GPR149: variants seen among roughly 807,000 people sequenced by gnomAD.
GPR149 encodes the protein G protein-coupled receptor 149.
A neutral mutation model predicts 50.2 loss-of-function variants in GPR149; 50 were observed. The observed-to-expected ratio is 1.00, with a 90% confidence interval of 0.79 to 1.26. The LOEUF is 1.26. GPR149 is among the 50% of genes most tolerant of loss of function. GPR149 has a pLI of 0.00. For missense variants in GPR149, 983 were observed against 895.4 expected, an observed-to-expected ratio of 1.10 and a Z score of -1.25; for synonymous variants, 405 against 358.2, an observed-to-expected ratio of 1.13 and a Z score of -1.48.
chr3:154,414,828 C>T (rs553370785), intron 3 of GPR149, among the ~76,000 whole-genome samples: 18 of 151,638 alleles, frequency 1.2e-4, no homozygotes, highest in East Asian at 7.8e-4. Flanking sequence ...AAACGTCCTG[C>T]GAAACAAAGA....
rs374931646 is a variant in GPR149, at chr3:154,421,481, C to G, written c.1181G>C (p.Arg394Thr). 6.5e-7 allele frequency: 1 copy of G among 1,542,036 alleles called. No homozygotes were observed. The highest frequency in any genetic ancestry group is 1.4e-5 in the African/African-American group (1 of 72,290). Reference protein sequence around the residue: ...AVASDGKKIKRKGFEFNLSFQ... With the variant: ...AVASDGKKIKTKGFEFNLSFQ... Reference sequence around the variant, plus strand: ...TGATAGATTGAATTCAAAGCCTTTTCTCTTGACTGAGTAAAAATAAAAACA... The same window carrying G: ...TGATAGATTGAATTCAAAGCCTTTTGTCTTGACTGAGTAAAAATAAAAACA... Residue 394 changes from arginine (R) to threonine (T), a missense_variant, in exon 3 of 4, where the codon AGA becomes ACA. Physicochemically the swap from Arg to Thr is moderately conservative, Grantham distance 71 (BLOSUM62 -1). Transcript: ENST00000389740.
intron 2 of GPR149, among the ~76,000 whole-genome samples, chr3:154,426,423 C>G (rs911538707): frequency 6.6e-6 from 1 of 152,066 alleles, no homozygotes; most frequent in Non-Finnish European, 1.5e-5. Flanking sequence ...GATTTTGCAA[C>G]CCTAAAATAG....
chr3:154,402,965 A>G (rs1399750554), intron 3 of GPR149, among the ~76,000 whole-genome samples: 5 of 152,198 alleles, frequency 3.3e-5, no homozygotes, highest in Non-Finnish European at 7.3e-5. Flanking sequence ...CTTTGTGAAC[A>G]AGAGGGAGGA....
chr3:154,404,870 T>TCAGCAG (rs371581317), intron 3 of GPR149, among the ~76,000 whole-genome samples: 14,234 of 92,316 alleles, frequency 0.15, 725 homozygotes, highest in East Asian at 0.34. Flanking sequence ...ATCATCATCA[T>TCAGCAG]CATCAGCAGC....
In GPR149 at chr3:154,421,324, A is replaced by G. The variant is rs547897034; in HGVS notation, c.1338T>C (p.Arg446=). Residue 446 remains arginine, a synonymous_variant, in exon 3 of 4, where the codon CGT becomes CGC. Coordinates refer to ENST00000389740, the MANE Select transcript of GPR149 (RefSeq NM_001038705.3). ...CTACTTTTATAGCATTGAAGATGTT[A>G]CGGTTGTCTCTCTGAGGGTCTTTTG... The part of the protein sequence containing the change: ...ETTKDPQRDN[R]NIFNAIKVEI... The G allele has an allele frequency of 1.4e-5, 22 of 1,613,372 alleles. No individual in the cohort carries two copies. In the East Asian group the frequency reaches 4.5e-4, roughly 33 times the overall value.
intron 3 of GPR149, among the ~76,000 whole-genome samples, chr3:154,339,471 G>A (rs759226974): frequency 1.3e-5 from 2 of 152,194 alleles, no homozygotes; most frequent in Non-Finnish European, 2.9e-5. Flanking sequence ...CTGGGGAATT[G>A]GCATGGGAGA....
intron 3 of GPR149, chr3:154,353,698 T>A (rs929832134): frequency 8.2e-7 from 1 of 1,225,604 alleles, no homozygotes; most frequent in Admixed American, 1.9e-5. Context: ...ACAAGTACCT[T>A]TGTTGAGCAG....
At position 154,352,406 on chromosome 3, in the gene GPR149, C is replaced by A; in HGVS notation, c.1624-14135G>T. The stretch of plus-strand genomic sequence containing the variant: ...CTGAGAGTATCCAGTTGGAATCGTG[C>A]CACACTGCCTGTAACCTTTCTGATT... On this transcript the variant is annotated intron_variant, in intron 3 of 3. Coordinates refer to ENST00000389740, the MANE Select transcript of GPR149 (RefSeq NM_001038705.3). 7 of 976,780 alleles carry A rather than the reference C, an allele frequency of 7.2e-6. No individual in the cohort carries two copies. The South Asian group carries it at 9.3e-5, about 13-fold the overall frequency. The allele number at this position is 976,780 out of a possible 1,614,324, so 60.5% of individuals were successfully genotyped here. A position where few individuals can be genotyped will look rare whatever the true frequency, so the allele number is the denominator to read the frequency against.
rs772860390 is a variant in GPR149 at position 154,421,072 on chromosome 3, C to G, written c.1590G>C (p.Trp530Cys). The G allele has an allele frequency of 9.3e-6, 15 of 1,612,478 alleles. No individual in the cohort carries two copies. Among genetic ancestry groups the G allele is most frequent in the Non-Finnish European group, 1.1e-5 (13 of 1,179,292 alleles). ...GGGTTCTTTCTGATTTACTCCTACA[C>G]CACTCCCAGTCTGAAAGATCTGGTT... is the stretch of plus-strand genomic sequence containing the variant. ...SQKPDLSDWE[W>C]CRSKSERTPR... is the part of the protein sequence containing the mutation. Residue 530 changes from tryptophan to cysteine, a missense_variant, in exon 3 of 4, where the codon TGG becomes TGC. By Grantham distance (215) the Trp-to-Cys change is radical. Transcript: ENST00000389740.
chr3:154,355,322 G>A lies in GPR149; in HGVS notation c.1624-17051C>T, dbSNP rs140045096. Among the ~76,000 whole-genome samples the A allele has an allele frequency of 7.3e-3, 1,115 of 152,248 alleles. 12 individuals are homozygous for A. The highest frequency in any genetic ancestry group is 0.026 in the African/African-American group (1,073 of 41,554). On this transcript the variant is annotated intron_variant, in intron 3 of 3. Transcript: ENST00000389740. ...ATTATAGGTGTGAGCCACCACGCCCGGCCACTTCATTTCTTATTATGGAAA... is the reference window on the plus strand; with the variant it reads ...ATTATAGGTGTGAGCCACCACGCCCAGCCACTTCATTTCTTATTATGGAAA...
Position 154,429,160 on chromosome 3 carries a change from G to A in GPR149, c.456C>T (p.Gly152=), listed in dbSNP as rs372479513. The A allele has an allele frequency of 5.5e-5, 89 of 1,613,714 alleles. No individual in the cohort carries two copies. The highest frequency in any genetic ancestry group is 7.5e-5 in the Non-Finnish European group (88 of 1,179,954). Residue 152 remains glycine (G), a synonymous_variant, in exon 1 of 4, where the codon GGC becomes GGT. Coordinates refer to ENST00000389740, the MANE Select transcript of GPR149 (RefSeq NM_001038705.3). ...TGGCTGCCCACACGGTCAGCACCACGCCGAGCACCTGGCCCGATCTTCTGG... is the reference window on the plus strand; with the variant it reads ...TGGCTGCCCACACGGTCAGCACCACACCGAGCACCTGGCCCGATCTTCTGG... The part of the protein sequence containing the change: ...TASRRSGQVL[G]VVLTVWAASL...
intron 3 of GPR149, among the ~76,000 whole-genome samples, chr3:154,339,839 G>A (rs1160781727): frequency 2.5e-5 from 3 of 120,936 alleles, no homozygotes; most frequent in Non-Finnish European, 4.7e-5. Context: ...GCCCAGGCTG[G>A]AATGCAGTGG....
intron 3 of GPR149, among the ~76,000 whole-genome samples, chr3:154,401,834 G>T (rs1371013334): frequency 6.6e-6 from 1 of 152,172 alleles, no homozygotes; most frequent in Admixed American, 6.5e-5. Context: ...TGGGAAGTTT[G>T]ATGTTAGGAA....
At chr3:154,345,145 A>T (rs1410060992) in intron 3 of GPR149, among the ~76,000 whole-genome samples, 1 of 152,202 alleles carries the variant, frequency 6.6e-6, no homozygotes, top group Non-Finnish European at 1.5e-5. Context: ...TGTTGAATGG[A>T]CAAACAAAAG....
intron 2 of GPR149, among the ~76,000 whole-genome samples, chr3:154,424,557 C>T (rs1329248088): frequency 1.3e-5 from 2 of 151,746 alleles, no homozygotes; most frequent in Non-Finnish European, 3.0e-5. Flanking sequence ...TTTTTAAAAA[C>T]TGTTTTTTGT....
intron 3 of GPR149, among the ~76,000 whole-genome samples, chr3:154,347,143 A>T (rs192076949): frequency 1.5e-4 from 23 of 152,336 alleles, no homozygotes; most frequent in African/African-American, 5.3e-4. Context: ...AAGGTAATGA[A>T]TATATATGAA....
intron 3 of GPR149, among the ~76,000 whole-genome samples, chr3:154,358,418 C>T (rs1393210131): frequency 1.3e-5 from 2 of 151,824 alleles, no homozygotes; most frequent in Non-Finnish European, 2.9e-5. Flanking sequence ...CACTTTTTTT[C>T]CTTGAAAAAT....
chr3:154,372,128 G>T (rs1224507606), intron 3 of GPR149, among the ~76,000 whole-genome samples: 1 of 152,202 alleles, frequency 6.6e-6, no homozygotes, highest in Non-Finnish European at 1.5e-5. Flanking sequence ...GGGGTGTCCT[G>T]TCTAGAGGGG....
At chr3:154,364,574 G>C (rs1417911599) in intron 3 of GPR149, among the ~76,000 whole-genome samples, 1 of 152,218 alleles carries the variant, frequency 6.6e-6, no homozygotes, top group Non-Finnish European at 1.5e-5. Context: ...AGATAGGCAT[G>C]ACACAGACAT....
Sources: gnomAD v4.1 joint callset for allele counts (sites outside exome capture counted in the v4.1 genomes callset) on GRCh38, gnomAD v4.1.1 for gene constraint, MANE v1.5 for transcripts, NCBI Gene and HGNC (gene_info 2026-07-23, HGNC 2026-07-21) for gene names.